Variants in RNGTT observed in about 807,000 individuals in gnomAD.
The protein encoded by RNGTT is RNA guanylyltransferase and 5'-phosphatase.
Under a neutral mutation model 79.3 loss-of-function variants are expected in RNGTT, and 33 were observed. That is an observed-to-expected ratio of 0.42 (90% CI 0.32 to 0.56). The LOEUF is 0.56. Ranked by LOEUF, RNGTT falls within the 20% of genes least tolerant of loss-of-function variation. The pLI, the probability that RNGTT is intolerant of heterozygous loss-of-function variation, is 0.17. For synonymous variants in RNGTT, 222 were observed against 235.9 expected (o/e 0.94, Z 0.54); for missense variants, 497 against 739.1 (o/e 0.67, Z 3.80).
At chr6:88,856,565 T>C (rs1781851919) in intron 8 of RNGTT, among the ~76,000 whole-genome samples, 1 of 152,188 alleles carries the variant, frequency 6.6e-6, no homozygotes, top group Admixed American at 6.6e-5. Context: ...GGACGGGATT[T>C]ACAAAAGGAT....
chr6:88,644,522 T>A (rs961799950), intron 14 of RNGTT, among the ~76,000 whole-genome samples: 1 of 152,152 alleles, frequency 6.6e-6, no homozygotes, highest in African/African-American at 2.4e-5. Context: ...ATCATCCTCA[T>A]ACCAAAGCCT....
chr6:88,889,104 G>C (rs563351482), intron 8 of RNGTT, among the ~76,000 whole-genome samples: 1 of 152,226 alleles, frequency 6.6e-6, no homozygotes, highest in African/African-American at 2.4e-5. Flanking sequence ...AAGGACAGTA[G>C]TGATAATCTC....
intron 11 of RNGTT, among the ~76,000 whole-genome samples, chr6:88,802,272 GT>G (rs773959750): frequency 1.3e-5 from 2 of 151,914 alleles, no homozygotes; most frequent in Non-Finnish European, 2.9e-5. Context: ...TTACTTTGGG[GT>G]TTTTTTGTGT....
intron 13 of RNGTT, among the ~76,000 whole-genome samples, chr6:88,749,007 A>G (rs1582413690): frequency 6.6e-6 from 1 of 152,262 alleles, no homozygotes; most frequent in Non-Finnish European, 1.5e-5. Flanking sequence ...AACTATACGA[A>G]CAGCTGATTT....
At chr6:88,923,031 A>G (rs1365270171) in intron 4 of RNGTT, among the ~76,000 whole-genome samples, 1 of 152,234 alleles carries the variant, frequency 6.6e-6, no homozygotes, top group Non-Finnish European at 1.5e-5. Flanking sequence ...AGTTAAATCC[A>G]GAGACATAAT....
intron 13 of RNGTT, among the ~76,000 whole-genome samples, chr6:88,731,640 C>T (rs991274324): frequency 1.3e-5 from 2 of 152,004 alleles, no homozygotes; most frequent in Non-Finnish European, 2.9e-5. Context: ...GATGTATTCA[C>T]CAAAAGATAC....
At chr6:88,949,924 G>A (rs1408900401) in intron 1 of RNGTT, among the ~76,000 whole-genome samples, 1 of 152,184 alleles carries the variant, frequency 6.6e-6, no homozygotes, top group African/African-American at 2.4e-5. Flanking sequence ...AGAAGAAAAT[G>A]GTATCTAGGA....
intron 11 of RNGTT, among the ~76,000 whole-genome samples, chr6:88,823,019 G>A (rs1022678312): frequency 6.6e-6 from 1 of 152,088 alleles, no homozygotes. Context: ...TCTGACCTTG[G>A]GTTAGGCAAG....
intron 4 of RNGTT, among the ~76,000 whole-genome samples, chr6:88,927,071 T>A (rs996307118): frequency 1.3e-5 from 2 of 152,100 alleles, no homozygotes; most frequent in African/African-American, 2.4e-5. Flanking sequence ...CACAAAAAAA[T>A]TTGATGAAAA....
chr6:88,763,335 TAAG>T (rs991993874), intron 13 of RNGTT, among the ~76,000 whole-genome samples: 1 of 151,924 alleles, frequency 6.6e-6, no homozygotes, highest in Non-Finnish European at 1.5e-5. Flanking sequence ...ATAATGCTGA[TAAG>T]AAGATTTACG....
intron 4 of RNGTT, among the ~76,000 whole-genome samples, chr6:88,906,691 T>C (rs1278348954): frequency 6.6e-6 from 1 of 152,212 alleles, no homozygotes; most frequent in Non-Finnish European, 1.5e-5. Flanking sequence ...CTCTACTGTT[T>C]AACAAGTTCT....
intron 12 of RNGTT, among the ~76,000 whole-genome samples, chr6:88,783,134 G>C (rs1779117746): frequency 6.6e-6 from 1 of 152,134 alleles, no homozygotes; most frequent in South Asian, 2.1e-4. Flanking sequence ...CGAAGATATG[G>C]AAGCAACTTA....
chr6:88,876,331 C>T (rs1021548936), intron 8 of RNGTT, among the ~76,000 whole-genome samples: 25 of 152,132 alleles, frequency 1.6e-4, no homozygotes, highest in African/African-American at 5.8e-4. Flanking sequence ...GAGTTTGAGA[C>T]CAGCCTGGAC....
rs143061694 is a variant in RNGTT, at chr6:88,755,559, G to C, written c.1439+14215C>G. Among the ~76,000 whole-genome samples, 808 of 152,128 alleles carry C rather than the reference G, an allele frequency of 5.3e-3. 6 individuals carry two copies. Among genetic ancestry groups the C allele is most frequent in the African/African-American group, 0.018 (730 of 41,496 alleles). On this transcript the variant is annotated intron_variant, in intron 13 of 15. Transcript: ENST00000369485. ...AGTAAAATTTTCCAATAAAAGCTAG[G>C]GGGGAATGGGTGGTGAGAATAAAAG...
intron 12 of RNGTT, among the ~76,000 whole-genome samples, chr6:88,783,223 A>G (rs1020586996): frequency 1.3e-5 from 2 of 152,152 alleles, no homozygotes; most frequent in Non-Finnish European, 2.9e-5. Flanking sequence ...ACCCCCAGAA[A>G]AGTAATTTAT....
intron 11 of RNGTT, among the ~76,000 whole-genome samples, 194 bp downstream of exon 11, chr6:88,844,163 C>A (rs968882950): frequency 6.6e-6 from 1 of 151,882 alleles, no homozygotes. Context: ...GTTTCAGGTG[C>A]CACCACTGAG....
intron 8 of RNGTT, among the ~76,000 whole-genome samples, chr6:88,884,948 A>ACCC (rs1436570468): frequency 4.6e-5 from 7 of 152,176 alleles, no homozygotes; most frequent in Non-Finnish European, 8.8e-5. Flanking sequence ...TCTCCCTATC[A>ACCC]GAGAGAGGAG....
intron 11 of RNGTT, among the ~76,000 whole-genome samples, chr6:88,823,954 T>G (rs1780575708): frequency 6.6e-6 from 1 of 152,086 alleles, no homozygotes; most frequent in Admixed American, 6.6e-5. Context: ...AAAACACTAG[T>G]GAACAGTAAC....
At chr6:88,874,386 T>C (rs1390015523) in intron 8 of RNGTT, among the ~76,000 whole-genome samples, 1 of 152,132 alleles carries the variant, frequency 6.6e-6, no homozygotes, top group African/African-American at 2.4e-5. Flanking sequence ...GTAATCCATC[T>C]TCATGAAAAG....
Sources: allele counts gnomAD v4.1 joint callset (sites outside exome capture counted in the v4.1 genomes callset), GRCh38; gene constraint gnomAD v4.1.1; transcripts MANE v1.5; gene names NCBI Gene and HGNC (gene_info 2026-07-23, HGNC 2026-07-21).